NRDE2: variants seen among roughly 807,000 people sequenced by gnomAD.
NRDE2 encodes the protein NRDE-2, necessary for RNA interference, domain containing.
NRDE2 carries 76 observed loss-of-function variants against 124.2 expected under a neutral mutation model. The observed-to-expected ratio is 0.61, with a 90% CI of 0.51 to 0.74. The LOEUF is 0.74. Ranked by LOEUF, NRDE2 falls within the 30% of genes least tolerant of loss-of-function variation. The pLI is 0.00. For missense variants in NRDE2, 1,314 were observed against 1,417.3 expected (o/e 0.93, Z 1.17); for synonymous variants, 489 against 528.1 (o/e 0.93, Z 1.01).
intron 1 of NRDE2, among the ~76,000 whole-genome samples, chr14:90,330,091 C>T (rs1407112868): frequency 6.8e-6 from 1 of 147,876 alleles, no homozygotes; most frequent in African/African-American, 2.5e-5. Flanking sequence ...CCTGTAGTCC[C>T]AGCTACTCGG....
chr14:90,288,356 T>A lies in NRDE2; in HGVS notation c.3019A>T (p.Ile1007Phe), dbSNP rs773247638. 6.2e-7 allele frequency: 1 copy of A among 1,614,166 alleles called. No homozygotes were observed. ...CTGGCACTGTGGGACTTATTCTGAA[T>A]CTGTACATAGGACCTCCAAAGAACC... ...NQVLWRSYVQ[I>F]QNKSHSASKT... is the part of the protein sequence containing the mutation. Residue 1007 changes from isoleucine (I) to phenylalanine (F), a missense_variant, in exon 11 of 14, where the codon ATT (isoleucine) becomes TTT (phenylalanine). Ile to Phe is a conservative substitution (Grantham distance 21). Coordinates refer to ENST00000354366, the MANE Select transcript of NRDE2 (RefSeq NM_017970.4).
At chr14:90,293,253 CT>C (rs34457913) in intron 8 of NRDE2, among the ~76,000 whole-genome samples, 140,639 of 148,634 alleles carry the variant, frequency 0.95, 66,905 homozygotes, top group East Asian at 1. Flanking sequence ...AACTGAATTC[CT>C]TTTTTTTTTT....
chr14:90,318,722 C>G (rs1035712477), intron 1 of NRDE2, among the ~76,000 whole-genome samples: 4 of 152,172 alleles, frequency 2.6e-5, no homozygotes, highest in Non-Finnish European at 4.4e-5. Context: ...TTGCTTGAAC[C>G]TGGGAGGCAG....
intron 8 of NRDE2, among the ~76,000 whole-genome samples, chr14:90,296,845 G>A (rs988977415): frequency 7.9e-5 from 12 of 152,150 alleles, no homozygotes; most frequent in Non-Finnish European, 1.5e-4. Context: ...CACTTGAAAA[G>A]TAGCTAGTCT....
chr14:90,331,881 C>T lies in NRDE2; in HGVS notation c.24G>A (p.Ala8=). The part of the protein sequence containing the change: MALFPAF[A]GLSEAPDGGS... ...CGCCATCGGGAGCCTCACTAAGCCC[C>T]GCAAAGGCTGGGAACAGCGCCATGA... The change falls in exon 1 of 14, where the codon GCG becomes GCA. Residue 8 remains alanine, a synonymous_variant. Coordinates refer to ENST00000354366, the MANE Select transcript of NRDE2 (RefSeq NM_017970.4). 1 of 1,614,148 alleles carries T rather than the reference C, an allele frequency of 6.2e-7. No individual in the cohort carries two copies. Among genetic ancestry groups the T allele is most frequent in the Non-Finnish European group, 8.5e-7 (1 of 1,180,048 alleles).
At chr14:90,284,808 A>C (rs1408295820) in intron 12 of NRDE2, among the ~76,000 whole-genome samples, 1 of 152,208 alleles carries the variant, frequency 6.6e-6, no homozygotes, top group Non-Finnish European at 1.5e-5. Flanking sequence ...GATGTGTTAC[A>C]ATAAACGAGG....
chr14:90,329,330 G>A (rs554544854), intron 1 of NRDE2, among the ~76,000 whole-genome samples: 90 of 152,152 alleles, frequency 5.9e-4, no homozygotes, highest in Non-Finnish European at 1.0e-3. Flanking sequence ...CTTTTCTTCT[G>A]CAGGACTTGA....
chr14:90,329,001 C>T (rs1442188965), intron 1 of NRDE2, among the ~76,000 whole-genome samples: 1 of 152,122 alleles, frequency 6.6e-6, no homozygotes, highest in Non-Finnish European at 1.5e-5. Context: ...GTGAAAATGA[C>T]CAGAAAAGAA....
Position 90,298,502 on chromosome 14 carries a change from G to A in NRDE2, c.1546-122C>T, listed in dbSNP as rs1007783515. 1.5e-5 allele frequency: 15 copies of A among 1,009,954 alleles called. No individual in the cohort carries two copies. The South Asian group carries it at 1.9e-4, about 13-fold the overall frequency. 62.6% of individuals were successfully genotyped at this position (1,009,954 alleles called of 1,614,324 possible). A position where few individuals can be genotyped will look rare whatever the true frequency, so the allele number is the denominator to read the frequency against. On this transcript the variant is annotated intron_variant, in intron 7 of 13. Coordinates refer to ENST00000354366, the MANE Select transcript of NRDE2 (RefSeq NM_017970.4). The stretch of plus-strand genomic sequence containing the variant: ...ATCCTTGAAATCATGTTTGCCATCA[G>A]TCTTTGAAGTAGATACATGCTACAC...
At position 90,326,517 on chromosome 14, in the gene NRDE2, A is replaced by G. The variant is rs530374832; in HGVS notation, c.64+5324T>C. Among the ~76,000 whole-genome samples, 231 of 151,502 alleles carry G rather than the reference A, an allele frequency of 1.5e-3. 4 individuals carry two copies. Among genetic ancestry groups the G allele is most frequent in the Admixed American group, 0.011 (165 of 15,170 alleles). ...CTCTGTCTCAAAAAAAAAAAAAAAAAAGAGAGAGGGAAAATGTAGTTGCTC... is the reference window on the plus strand; with the variant it reads ...CTCTGTCTCAAAAAAAAAAAAAAAAGAGAGAGAGGGAAAATGTAGTTGCTC... On this transcript the variant is annotated intron_variant, in intron 1 of 13. Coordinates refer to ENST00000354366, the MANE Select transcript of NRDE2 (RefSeq NM_017970.4).
At position 90,269,656 on chromosome 14, in the gene NRDE2, G is replaced by C. The variant is rs901774115; in HGVS notation, c.*8680C>G. ...GATACATAAAAAAGCAAATACTGCA[G>C]TGAAACTTAGGATAATTTACAAAAA... On this transcript the variant is annotated 3_prime_UTR_variant, in exon 14 of 14. Coordinates refer to ENST00000354366, the MANE Select transcript of NRDE2 (RefSeq NM_017970.4). The C allele has an allele frequency of 1.6e-5, 20 of 1,245,606 alleles. No homozygotes were observed. Among genetic ancestry groups the C allele is most frequent in the Non-Finnish European group, 2.2e-5 (20 of 891,718 alleles). 77.2% of individuals were successfully genotyped at this position (1,245,606 alleles called of 1,614,324 possible).
intron 1 of NRDE2, among the ~76,000 whole-genome samples, chr14:90,324,955 C>A (rs1203220454): frequency 6.6e-6 from 1 of 152,094 alleles, no homozygotes. Flanking sequence ...AATGGCAGGA[C>A]TAACGGCGGG....
At chr14:90,308,003 C>T (rs1466156801) in intron 4 of NRDE2, among the ~76,000 whole-genome samples, 2 of 152,154 alleles carry the variant, frequency 1.3e-5, no homozygotes, top group Non-Finnish European at 2.9e-5. Context: ...CTGTCTTGAC[C>T]TCCCAAAGTG....
In NRDE2 at chr14:90,268,115, A is replaced by G. The variant is rs1031321549; in HGVS notation, c.*10221T>C. 89 of 840,114 alleles carry G rather than the reference A, an allele frequency of 1.1e-4. No homozygotes were observed. The highest frequency in any genetic ancestry group is 7.4e-4 in the Middle Eastern group (2 of 2,704). The allele number at this position is 840,114 out of a possible 1,614,324, so 52.0% of individuals were successfully genotyped here. On this transcript the variant is annotated 3_prime_UTR_variant, in exon 14 of 14. Transcript: ENST00000354366. ...TGAATTGGTGCCATGCCTTAGCATG[A>G]GGGCCCGCCTGTTTTTGGTGTCCAT...
Position 90,310,212 on chromosome 14 carries a change from T to C in NRDE2, c.557+2182A>G, listed in dbSNP as rs200819582. Among the ~76,000 whole-genome samples, 8 of 152,258 alleles carry C rather than the reference T, an allele frequency of 5.3e-5. No homozygotes were observed. The East Asian group carries it at 1.5e-3, about 29-fold the overall frequency. ...TCACAAAGAGAACCAGAGTCCTCTG[T>C]TTCCAAATCTAGAAAACGTCCTACC... On this transcript the variant is annotated intron_variant, in intron 4 of 13. Transcript: ENST00000354366.
Position 90,278,474 on chromosome 14 carries a change from C to T in NRDE2, c.3370-13G>A. On this transcript the variant is annotated splice_polypyrimidine_tract_variant and intron_variant, in intron 13 of 13. Transcript: ENST00000354366. ...CCAGGTACAACACCTAGGGGGCAGG[C>T]AGGAAGGCCGCCCCACTCAGCCGCC... 5 of 1,613,308 alleles carry T rather than the reference C, an allele frequency of 3.1e-6. 1 individual carries two copies. The South Asian group carries it at 5.5e-5, about 18-fold the overall frequency.
intron 10 of NRDE2, among the ~76,000 whole-genome samples, chr14:90,289,959 G>A (rs73318619): frequency 0.019 from 2,952 of 152,292 alleles, 86 homozygotes; most frequent in African/African-American, 0.065. Context: ...CATTGTTCAT[G>A]TAAGGACGGG....
chr14:90,312,138 T>A (rs8009206), intron 4 of NRDE2, among the ~76,000 whole-genome samples: 52,642 of 152,138 alleles, frequency 0.35, 9,391 homozygotes, highest in African/African-American at 0.44. Context: ...TTTATTCAAC[T>A]AATACTTATT....
intron 3 of NRDE2, among the ~76,000 whole-genome samples, chr14:90,315,131 C>A (rs555725001): frequency 8.0e-6 from 1 of 124,926 alleles, no homozygotes. Flanking sequence ...GAGCCGAGAT[C>A]GTGCCACTGT....
Sources: gnomAD v4.1 joint callset for allele counts (sites outside exome capture counted in the v4.1 genomes callset) on GRCh38, gnomAD v4.1.1 for gene constraint, MANE v1.5 for transcripts, NCBI Gene and HGNC (gene_info 2026-07-23, HGNC 2026-07-21) for gene names.